ANXA13: variants seen among roughly 807,000 people sequenced by gnomAD.
ANXA13 encodes annexin A13.
A neutral mutation model predicts 46.6 loss-of-function variants in ANXA13; 36 were observed. The ratio of observed to expected loss-of-function variants is 0.77; its 90% CI spans 0.59 to 1.02. ANXA13 has a LOEUF of 1.02. Among genes scored for constraint, ANXA13 ranks in the 50% least tolerant of loss-of-function variants. The pLI, the probability that ANXA13 is intolerant of heterozygous loss-of-function variation, is 0.00. For synonymous variants in ANXA13, 163 were observed against 152.9 expected (o/e 1.07, Z -0.49); for missense variants, 417 against 396.5 (o/e 1.05, Z -0.44).
chr8:123,684,670 C>A lies in ANXA13; in HGVS notation c.771G>T (p.Ser257=). ...CCTCATCGGTCCCCGCACCCTTCATCGACTTGTACAGACGTTCAGCAAAAT... is the reference window on the plus strand; with the variant it reads ...CCTCATCGGTCCCCGCACCCTTCATAGACTTGTACAGACGTTCAGCAAAAT... ...EDYFAERLYK[S]MKGAGTDEET... Residue 257 remains serine, a synonymous_variant, in exon 10 of 11, where the codon TCG becomes TCT. Coordinates refer to ENST00000419625, the MANE Select transcript of ANXA13 (RefSeq NM_004306.4). 6.2e-7 allele frequency: 1 copy of A among 1,614,172 alleles called. No individual in the cohort carries two copies. The highest frequency in any genetic ancestry group is 8.5e-7 in the Non-Finnish European group (1 of 1,180,018).
At chr8:123,733,000 C>A (rs748655162) in intron 1 of ANXA13, among the ~76,000 whole-genome samples, 1 of 151,778 alleles carries the variant, frequency 6.6e-6, no homozygotes, top group African/African-American at 2.4e-5. Flanking sequence ...TAGGATGACC[C>A]GTCTTTAAAA....
At chr8:123,692,348 A>T (rs1413739253) in intron 8 of ANXA13, among the ~76,000 whole-genome samples, 1 of 152,168 alleles carries the variant, frequency 6.6e-6, no homozygotes, top group Non-Finnish European at 1.5e-5. Context: ...TTGTTGTGAA[A>T]CTGAATGAGA....
At chr8:123,705,262 G>A (rs114256324) in intron 2 of ANXA13, among the ~76,000 whole-genome samples, 179 of 152,206 alleles carry the variant, frequency 1.2e-3, no homozygotes, top group African/African-American at 4.0e-3. Flanking sequence ...CCTTCACCCC[G>A]ATACCAGGCT....
In ANXA13 at chr8:123,697,599, C is replaced by T. The variant is rs188460155; in HGVS notation, c.357+790G>A. Among the ~76,000 whole-genome samples the T allele has an allele frequency of 1.6e-3, 244 of 152,330 alleles. 1 individual carries two copies. Among genetic ancestry groups the T allele is most frequent in the Middle Eastern group, 3.4e-3 (1 of 294 alleles). On this transcript the variant is annotated intron_variant, in intron 4 of 10. Coordinates refer to ENST00000419625, the MANE Select transcript of ANXA13 (RefSeq NM_004306.4). ...GTGTCAGGGCACTGTTTGCATTTTG[C>T]CTGCTGTCTGCTCCAACATCTGCTT... is the stretch of plus-strand genomic sequence containing the variant.
At position 123,690,108 on chromosome 8, in the gene ANXA13, G is replaced by A. The variant is rs1813207080; in HGVS notation, c.643-1162C>T. On this transcript the variant is annotated intron_variant, in intron 8 of 10. Transcript: ENST00000419625. The surrounding 1 kb of genome is among the most constrained non-coding windows in gnomAD (Gnocchi z 4.6). ...CTTAGCTGCCCCCAGTCTTTTTTGGGTTTGATGTGGGAGTCATTATTTTGG... is the reference window on the plus strand; with the variant it reads ...CTTAGCTGCCCCCAGTCTTTTTTGGATTTGATGTGGGAGTCATTATTTTGG... Among the ~76,000 whole-genome samples, 2 of 152,064 alleles carry A rather than the reference G, an allele frequency of 1.3e-5. No homozygotes were observed. Among genetic ancestry groups the A allele is most frequent in the Admixed American group, 1.3e-4 (2 of 15,274 alleles).
chr8:123,725,375 T>C (rs375508683), intron 1 of ANXA13, among the ~76,000 whole-genome samples: 1 of 152,348 alleles, frequency 6.6e-6, no homozygotes. Context: ...AGTCACCTGC[T>C]CAGGGTCACC....
chr8:123,703,816 A>G (rs1429055363), intron 2 of ANXA13, among the ~76,000 whole-genome samples: 2 of 152,228 alleles, frequency 1.3e-5, no homozygotes, highest in Non-Finnish European at 2.9e-5. Flanking sequence ...TGAATAAGAA[A>G]GAAGGGGAGA....
intron 9 of ANXA13, among the ~76,000 whole-genome samples, chr8:123,686,525 C>A (rs1274627812): frequency 6.6e-6 from 1 of 151,850 alleles, no homozygotes; most frequent in Admixed American, 6.6e-5. Flanking sequence ...GCAGGAAAGG[C>A]AGCCAGCCCG....
At chr8:123,697,039 A>C (rs7820119) in intron 4 of ANXA13, among the ~76,000 whole-genome samples, 2,678 of 152,240 alleles carry the variant, frequency 0.018, 84 homozygotes, top group African/African-American at 0.06. Context: ...CCTCTCAAGT[A>C]GCTGGGATTA....
chr8:123,688,562 G>T (rs1813179113), intron 9 of ANXA13, among the ~76,000 whole-genome samples: 1 of 152,154 alleles, frequency 6.6e-6, no homozygotes, highest in Non-Finnish European at 1.5e-5. Flanking sequence ...CCCTCCAAGG[G>T]AGAGAGCTGG....
At chr8:123,713,007 C>A (rs1343716875) in intron 1 of ANXA13, among the ~76,000 whole-genome samples, 2 of 152,134 alleles carry the variant, frequency 1.3e-5, no homozygotes, top group African/African-American at 2.4e-5. Context: ...ATCATCCTGG[C>A]CAGCTCTGCA....
intron 2 of ANXA13, among the ~76,000 whole-genome samples, chr8:123,703,886 C>T (rs1004726898): frequency 2.6e-5 from 4 of 152,026 alleles, no homozygotes; most frequent in Non-Finnish European, 5.9e-5. Flanking sequence ...TTCCAGTGTG[C>T]GAATAAGAAA....
chr8:123,733,923 A>AT (rs1310306853), intron 1 of ANXA13, among the ~76,000 whole-genome samples: 1 of 152,198 alleles, frequency 6.6e-6, no homozygotes, highest in Non-Finnish European at 1.5e-5. Context: ...TGCTTCTAAG[A>AT]TTTTAATGTG....
intron 10 of ANXA13, 103 bp from the exon 11 acceptor site, chr8:123,681,462 T>A: frequency 8.7e-7 from 1 of 1,153,082 alleles, no homozygotes; most frequent in Non-Finnish European, 1.2e-6. Flanking sequence ...CATTCATGCC[T>A]TAAAACAGCC....
intron 1 of ANXA13, among the ~76,000 whole-genome samples, chr8:123,714,523 C>T (rs1229792712): frequency 1.3e-5 from 2 of 152,180 alleles, no homozygotes; most frequent in African/African-American, 4.8e-5. Context: ...CCTTGGGCTT[C>T]CCCGTTTCAT....
chr8:123,704,983 G>A (rs972138468), intron 2 of ANXA13, among the ~76,000 whole-genome samples: 2 of 152,112 alleles, frequency 1.3e-5, no homozygotes, highest in African/African-American at 2.4e-5. Flanking sequence ...AACTTCCCAC[G>A]GATCTCCCAA....
rs569911761 is a variant in ANXA13, at chr8:123,696,932, C to T, written c.358-1211G>A. Reference sequence around the variant, plus strand: ...ATATATATGAATATATTTTTTGAGACGAAGTCTCGCTCTGTCGCTCAGGCT... The same window carrying T: ...ATATATATGAATATATTTTTTGAGATGAAGTCTCGCTCTGTCGCTCAGGCT... On this transcript the variant is annotated intron_variant, in intron 4 of 10. Coordinates refer to ENST00000419625, the MANE Select transcript of ANXA13 (RefSeq NM_004306.4). Among the ~76,000 whole-genome samples, 32 of 152,310 alleles carry T rather than the reference C, an allele frequency of 2.1e-4. No homozygotes were observed. The South Asian group carries it at 3.9e-3, about 19-fold the overall frequency.
Position 123,688,949 on chromosome 8 carries a change from G to A in ANXA13, c.643-3C>T. 1 of 1,613,510 alleles carries A rather than the reference G, an allele frequency of 6.2e-7. No homozygotes were observed. The highest frequency in any genetic ancestry group is 8.5e-7 in the Non-Finnish European group (1 of 1,179,636). On this transcript the variant is annotated splice_polypyrimidine_tract_variant and splice_region_variant and intron_variant, in intron 8 of 10. Coordinates refer to ENST00000419625, the MANE Select transcript of ANXA13 (RefSeq NM_004306.4). Reference sequence around the variant, plus strand: ...TCTTCTATGTCTTTGCCAATGAGCTGCAGCGAAAACCAAAATCAACTGTTA... The same window carrying A: ...TCTTCTATGTCTTTGCCAATGAGCTACAGCGAAAACCAAAATCAACTGTTA...
intron 6 of ANXA13, 128 bp downstream of exon 6, chr8:123,695,374 A>T: frequency 1.4e-6 from 1 of 723,198 alleles, no homozygotes; most frequent in Non-Finnish European, 2.3e-6. Context: ...ATGGGTTGAT[A>T]ATCCCTTGAT....
Sources: allele counts gnomAD v4.1 joint callset (sites outside exome capture counted in the v4.1 genomes callset), GRCh38; gene constraint gnomAD v4.1.1; non-coding constraint Gnocchi (gnomAD v3.1); transcripts MANE v1.5; gene names NCBI Gene and HGNC (gene_info 2026-07-23, HGNC 2026-07-21).